Variants in PCDHGA10 observed in about 807,000 individuals in gnomAD.
PCDHGA10 encodes the protein protocadherin gamma subfamily A, 10, also known as protocadherin gamma-A10.
PCDHGA10 carries 42 observed loss-of-function variants against 59.5 expected under a neutral mutation model. That is an observed-to-expected ratio of 0.71 (90% CI 0.55 to 0.91). The LOEUF (loss-of-function observed/expected upper bound fraction) is 0.91. Ranked by LOEUF, PCDHGA10 falls within the 40% of genes least tolerant of loss-of-function variation. The pLI is 0.00. For missense variants in PCDHGA10, 1,111 were observed against 1,198.2 expected, an observed-to-expected ratio of 0.93 and a Z score of 1.07; for synonymous variants, 511 against 517.2, an observed-to-expected ratio of 0.99 and a Z score of 0.16.
At chr5:141,467,455 GCTAGTA>G (rs2099144342) in intron 1 of PCDHGA10, among the ~76,000 whole-genome samples, 1 of 152,192 alleles carries the variant, frequency 6.6e-6, no homozygotes, top group African/African-American at 2.4e-5. Context: ...TTCTTCCAGT[GCTAGTA>G]CTTGCATGGT....
chr5:141,448,394 T>A (rs1360417681), intron 1 of PCDHGA10, among the ~76,000 whole-genome samples: 2 of 152,206 alleles, frequency 1.3e-5, no homozygotes, highest in Admixed American at 6.5e-5. Context: ...TACATTTACA[T>A]GGTTTTAAAA....
chr5:141,451,301 G>T (rs963686418), intron 1 of PCDHGA10, among the ~76,000 whole-genome samples: 3 of 152,196 alleles, frequency 2.0e-5, no homozygotes, highest in Non-Finnish European at 4.4e-5. Flanking sequence ...AGTCTTACAA[G>T]GCAGCAATTA....
rs375363587 is a variant in PCDHGA10 at position 141,414,524 on chromosome 5, A to G, written c.1349A>G (p.Asn450Ser). Residue 450 changes from asparagine (N) to serine (S), a missense_variant, in exon 1 of 4, where the codon AAT becomes AGT. Coordinates refer to ENST00000398610, the MANE Select transcript of PCDHGA10 (RefSeq NM_018913.3). ...TTTATGCTACAAGTGGCAGATATCA[A>G]TGACAACCCACCTACCTTCTCTCAA... ...AHFMLQVADINDNPPTFSQVS... is the reference protein window; with the variant it reads ...AHFMLQVADISDNPPTFSQVS... 105 of 1,613,844 alleles carry G rather than the reference A, an allele frequency of 6.5e-5. 1 individual carries two copies. In the South Asian group the frequency reaches 7.2e-4, roughly 11 times the overall value.
Position 141,485,713 on chromosome 5 carries a change from G to T in PCDHGA10, c.2437-9094G>T. On this transcript the variant is annotated intron_variant, in intron 1 of 3. Transcript: ENST00000398610. The surrounding 1 kb of genome is among the most constrained non-coding windows in gnomAD (Gnocchi z 5.7). ...TGAGCTCCAATGAACACTTTGCACT[G>T]GATGTGAAGAAGCGCAGCGACGGCA... 1 of 1,614,202 alleles carries T rather than the reference G, an allele frequency of 6.2e-7. No individual in the cohort carries two copies. The highest frequency in any genetic ancestry group is 8.5e-7 in the Non-Finnish European group (1 of 1,180,038).
chr5:141,507,365 C>G (rs1279257057), intron 3 of PCDHGA10: 1 of 152,092 alleles, frequency 6.6e-6, no homozygotes, highest in African/African-American at 2.4e-5. Context: ...ACTGGGAGCC[C>G]TGTACTTTTA....
rs114918874 is a variant in PCDHGA10 at position 141,487,585 on chromosome 5, C to T, written c.2437-7222C>T. On this transcript the variant is annotated intron_variant, in intron 1 of 3. Transcript: ENST00000398610. This position sits in a 1 kb window ranked among gnomAD's most constrained non-coding sequence, Gnocchi z 5.0. Reference sequence around the variant, plus strand: ...CAGGGGAGCCTGTTCGCCCAAGCTGCCCACCCTCTGATCTTCTCTATGGGC... The same window carrying T: ...CAGGGGAGCCTGTTCGCCCAAGCTGTCCACCCTCTGATCTTCTCTATGGGC... 7,902 of 1,614,160 alleles carry T rather than the reference C, an allele frequency of 4.9e-3. 42 individuals are homozygous for T. The highest frequency in any genetic ancestry group is 8.8e-3 in the Admixed American group (531 of 60,020).
In PCDHGA10 at chr5:141,477,798, A is replaced by G; in HGVS notation, c.2437-17009A>G. On this transcript the variant is annotated intron_variant, in intron 1 of 3. Transcript: ENST00000398610. The surrounding 1 kb of genome is among the most constrained non-coding windows in gnomAD (Gnocchi z 4.9). ...GTGAACATATTTGTCACTGATCGCA[A>G]TGACAATGCCCCCCAGGTCCTATAT... The G allele has an allele frequency of 6.2e-7, 1 of 1,614,140 alleles. No homozygotes were observed. The highest frequency in any genetic ancestry group is 8.5e-7 in the Non-Finnish European group (1 of 1,180,038).
chr5:141,413,319 C>T lies in PCDHGA10; in HGVS notation c.144C>T (p.Phe48=). The part of the protein sequence containing the change: ...SIPEELEKGS[F]VGNISKDLGL... ...CTGAGGAATTAGAGAAAGGCTCTTT[C>T]GTGGGCAACATCTCCAAGGACTTGG... Residue 48 remains phenylalanine (F), a synonymous_variant, in exon 1 of 4, where the codon TTC becomes TTT. Coordinates refer to ENST00000398610, the MANE Select transcript of PCDHGA10 (RefSeq NM_018913.3). 6.2e-7 allele frequency: 1 copy of T among 1,613,960 alleles called. No individual in the cohort carries two copies. Among genetic ancestry groups the T allele is most frequent in the South Asian group, 1.1e-5 (1 of 91,084 alleles).
At position 141,487,194 on chromosome 5, in the gene PCDHGA10, C is replaced by T. The variant is rs148502966; in HGVS notation, c.2437-7613C>T. 2 of 1,613,868 alleles carry T rather than the reference C, an allele frequency of 1.2e-6. No homozygotes were observed. The highest frequency in any genetic ancestry group is 1.3e-5 in the African/African-American group (1 of 75,030). On this transcript the variant is annotated intron_variant, in intron 1 of 3. Coordinates refer to ENST00000398610, the MANE Select transcript of PCDHGA10 (RefSeq NM_018913.3). The surrounding 1 kb of genome is among the most constrained non-coding windows in gnomAD (Gnocchi z 5.0). ...GAGGAAGACACTCATCCAGTTGTCC[C>T]AGATCTTCGAGAATCTTCAGCTCCA... is the stretch of plus-strand genomic sequence containing the variant.
chr5:141,477,878 C>T lies in PCDHGA10; in HGVS notation c.2437-16929C>T. On this transcript the variant is annotated intron_variant, in intron 1 of 3. Coordinates refer to ENST00000398610, the MANE Select transcript of PCDHGA10 (RefSeq NM_018913.3). The surrounding 1 kb of genome is among the most constrained non-coding windows in gnomAD (Gnocchi z 4.9). ...GCTGCCTCGAGGTACCTCAGCTGGC[C>T]ACCTAGTGTCACGGGTGGTAGGCTG... 2.5e-6 allele frequency: 4 copies of T among 1,614,158 alleles called. No individual in the cohort carries two copies. Among genetic ancestry groups the T allele is most frequent in the Non-Finnish European group, 3.4e-6 (4 of 1,180,008 alleles).
At chr5:141,422,806 C>T (rs868426196) in intron 1 of PCDHGA10, 2 of 1,614,208 alleles carry the variant, frequency 1.2e-6, no homozygotes, top group Non-Finnish European at 1.7e-6. Flanking sequence ...TGAGCAGTTT[C>T]GAGACTTAGA....
At chr5:141,438,362 T>C (rs1471364176) in intron 1 of PCDHGA10, among the ~76,000 whole-genome samples, 1 of 151,850 alleles carries the variant, frequency 6.6e-6, no homozygotes, top group East Asian at 1.9e-4. Flanking sequence ...TGTATTGTCA[T>C]TGAGGGCAGA....
chr5:141,429,583 T>A (rs2097226045), intron 1 of PCDHGA10, among the ~76,000 whole-genome samples: 2 of 152,218 alleles, frequency 1.3e-5, no homozygotes, highest in South Asian at 4.1e-4. Flanking sequence ...TTACTTTTGA[T>A]TCTTGTAATT....
chr5:141,433,047 C>T (rs1561867159), intron 1 of PCDHGA10: 1 of 1,614,046 alleles, frequency 6.2e-7, no homozygotes, highest in African/African-American at 1.3e-5. Flanking sequence ...ACCACGGACT[C>T]GCGGAAGAGT....
intron 2 of PCDHGA10, among the ~76,000 whole-genome samples, chr5:141,504,359 A>C (rs988295720): frequency 2.6e-5 from 4 of 152,044 alleles, no homozygotes; most frequent in African/African-American, 9.7e-5. Flanking sequence ...TAGGTGCTTC[A>C]GTAGGAAGCA....
rs143779180 is a variant in PCDHGA10, at chr5:141,485,438, C to T, written c.2437-9369C>T. Reference sequence around the variant, plus strand: ...CAGCGGAGCCCTGCTCATCAAGAACCCAATCGACCGAGAGGCACTGTGTGG... The same window carrying T: ...CAGCGGAGCCCTGCTCATCAAGAACTCAATCGACCGAGAGGCACTGTGTGG... On this transcript the variant is annotated intron_variant, in intron 1 of 3. Transcript: ENST00000398610. This position sits in a 1 kb window ranked among gnomAD's most constrained non-coding sequence, Gnocchi z 5.7. 2.9e-5 allele frequency: 47 copies of T among 1,614,052 alleles called. No individual in the cohort carries two copies. The highest frequency in any genetic ancestry group is 4.0e-5 in the African/African-American group (3 of 74,924).
chr5:141,486,456 C>G lies in PCDHGA10; in HGVS notation c.2437-8351C>G. ...AGCTATGACATCATGGTCACTGCTT[C>G]TGATGCTGGGAACCCTCCTCTCAGT... is the stretch of plus-strand genomic sequence containing the variant. On this transcript the variant is annotated intron_variant, in intron 1 of 3. Transcript: ENST00000398610. The surrounding 1 kb of genome is among the most constrained non-coding windows in gnomAD (Gnocchi z 5.0). The G allele has an allele frequency of 1.9e-6, 3 of 1,614,052 alleles. No homozygotes were observed. In the South Asian group the frequency reaches 3.3e-5, roughly 18 times the overall value.
chr5:141,440,564 A>G (rs531383065), intron 1 of PCDHGA10: 1 of 152,248 alleles, frequency 6.6e-6, no homozygotes, highest in Admixed American at 6.5e-5. Context: ...TAAGTTACGT[A>G]TCTCTGAGTT....
intron 1 of PCDHGA10, among the ~76,000 whole-genome samples, chr5:141,464,077 C>T (rs891173261): frequency 1.3e-5 from 2 of 151,950 alleles, no homozygotes; most frequent in African/African-American, 4.8e-5. Context: ...CCAGCCTGGC[C>T]AACATGGTGA....
Sources: gnomAD v4.1 joint callset for allele counts (sites outside exome capture counted in the v4.1 genomes callset) on GRCh38, gnomAD v4.1.1 for gene constraint, Gnocchi (gnomAD v3.1) non-coding constraint, MANE v1.5 for transcripts, NCBI Gene and HGNC (gene_info 2026-07-23, HGNC 2026-07-21) for gene names.